Variants in TFEC observed in about 807,000 individuals in gnomAD.
TFEC encodes the protein transcription factor EC.
Under a neutral mutation model 41.6 loss-of-function variants are expected in TFEC, and 31 were observed. That is an observed-to-expected ratio of 0.74 (90% CI 0.56 to 1.01). TFEC has a LOEUF of 1.01. Among genes scored for constraint, TFEC ranks in the 50% least tolerant of loss-of-function variants. TFEC has a pLI of 0.00. For synonymous variants in TFEC, 143 were observed against 140.6 expected, an observed-to-expected ratio of 1.02 and a Z score of -0.12; for missense variants, 402 against 404.1, an observed-to-expected ratio of 0.99 and a Z score of 0.04.
chr7:116,032,013 G>C (rs1795795796), upstream of TFEC, among the ~76,000 whole-genome samples: 1 of 152,060 alleles, frequency 6.6e-6, no homozygotes, highest in Admixed American at 6.6e-5. Flanking sequence ...TTGAATTAGA[G>C]TTTAATACAT....
At chr7:116,090,256 A>G (rs1213966733) in intron 3 of TFEC, among the ~76,000 whole-genome samples, 1 of 152,126 alleles carries the variant, frequency 6.6e-6, no homozygotes, top group East Asian at 1.9e-4. Flanking sequence ...TCTGCAACCA[A>G]TTAGACTGAT....
chr7:115,987,919 G>GA (rs1324148642), intron 1 of TFEC, among the ~76,000 whole-genome samples: 1 of 152,130 alleles, frequency 6.6e-6, no homozygotes, highest in Non-Finnish European at 1.5e-5. Context: ...AGCAGCTACA[G>GA]ATTGTGATTT....
chr7:116,116,928 CGAAAG>C (rs1366325426), intron 1 of TFEC, among the ~76,000 whole-genome samples: 1 of 151,736 alleles, frequency 6.6e-6, no homozygotes, highest in East Asian at 1.9e-4. Flanking sequence ...AGACTTTTCT[CGAAAG>C]GAAAGGATTT....
intron 1 of TFEC, among the ~76,000 whole-genome samples, chr7:116,001,473 C>T (rs562817829): frequency 2.7e-5 from 4 of 149,738 alleles, no homozygotes; most frequent in Admixed American, 6.7e-5. Flanking sequence ...CCAGCCTGGG[C>T]GACAGAGCGA....
chr7:116,022,966 T>A (rs762558975), intron 1 of TFEC, among the ~76,000 whole-genome samples: 2 of 152,164 alleles, frequency 1.3e-5, no homozygotes, highest in Non-Finnish European at 2.9e-5. Flanking sequence ...ATCAAACAGC[T>A]GATTATGGCA....
chr7:115,952,738 T>C (rs1792013267), intron 5 of TFEC, among the ~76,000 whole-genome samples: 1 of 152,024 alleles, frequency 6.6e-6, no homozygotes, highest in African/African-American at 2.4e-5. Context: ...CTACTTCATG[T>C]CATGGTGGTT....
intron 3 of TFEC, among the ~76,000 whole-genome samples, chr7:115,961,831 G>T (rs890178615): frequency 1.4e-4 from 21 of 151,740 alleles, no homozygotes; most frequent in African/African-American, 4.6e-4. Flanking sequence ...GCAAGAAAAA[G>T]TAACAAAAGC....
chr7:116,043,249 C>T (rs559663170), intron 3 of TFEC, among the ~76,000 whole-genome samples: 3 of 152,214 alleles, frequency 2.0e-5, no homozygotes, highest in Admixed American at 2.0e-4. Flanking sequence ...TGGAAGAATA[C>T]TCCACTCTTA....
At chr7:116,083,911 C>A (rs932301383) in intron 3 of TFEC, among the ~76,000 whole-genome samples, 1 of 151,832 alleles carries the variant, frequency 6.6e-6, no homozygotes, top group Admixed American at 6.6e-5. Flanking sequence ...TGATAATGAA[C>A]CTGAACCCAT....
chr7:116,017,501 A>G (rs566425782), intron 1 of TFEC, among the ~76,000 whole-genome samples: 64 of 152,192 alleles, frequency 4.2e-4, no homozygotes, highest in African/African-American at 1.3e-3. Context: ...GATTACAGGC[A>G]TGAGCCACCA....
At chr7:115,942,081 C>T in intron 6 of TFEC, 41 bp from the exon 7 acceptor site, 2 of 1,543,390 alleles carry the variant, frequency 1.3e-6, no homozygotes, top group Non-Finnish European at 1.7e-6. Flanking sequence ...TTGTGCATGT[C>T]AGCAGAATTC....
chr7:115,950,826 G>C, intron 6 of TFEC, 48 bp downstream of exon 6: 1 of 1,414,004 alleles, frequency 7.1e-7, no homozygotes, highest in Non-Finnish European at 9.8e-7. Flanking sequence ...ATTCATTTTG[G>C]GGGTCTTTAA....
chr7:116,118,437 T>C (rs1340294868), intron 1 of TFEC, among the ~76,000 whole-genome samples: 1 of 151,854 alleles, frequency 6.6e-6, no homozygotes, highest in Non-Finnish European at 1.5e-5. Context: ...AATGAGCTCA[T>C]TGTGCCTGCA....
At chr7:115,979,630 C>G (rs1793536709) in intron 2 of TFEC, among the ~76,000 whole-genome samples, 1 of 151,936 alleles carries the variant, frequency 6.6e-6, no homozygotes, top group Non-Finnish European at 1.5e-5. Flanking sequence ...TCCTTTGAAC[C>G]TCTTCTCCTG....
chr7:116,076,096 G>A (rs1436746345), intron 3 of TFEC, among the ~76,000 whole-genome samples: 1 of 152,154 alleles, frequency 6.6e-6, no homozygotes, highest in Non-Finnish European at 1.5e-5. Flanking sequence ...TCACATCACA[G>A]GACTCTTTAC....
intron 2 of TFEC, 71 bp from the exon 3 acceptor site, chr7:115,974,327 A>G: frequency 1.1e-5 from 13 of 1,220,598 alleles, no homozygotes; most frequent in Non-Finnish European, 1.4e-5. Context: ...GAAAACAGAG[A>G]GAAAAATTCT....
intron 3 of TFEC, among the ~76,000 whole-genome samples, chr7:116,042,865 T>C (rs1171134634): frequency 6.6e-6 from 1 of 152,194 alleles, no homozygotes; most frequent in East Asian, 1.9e-4. Flanking sequence ...ATATTTGGAC[T>C]TCTGTTAAAG....
chr7:115,965,731 T>C (rs1792813643), intron 3 of TFEC, among the ~76,000 whole-genome samples: 1 of 151,686 alleles, frequency 6.6e-6, no homozygotes, highest in Admixed American at 6.6e-5. Flanking sequence ...CCAAAATTAT[T>C]GTAGAAACAT....
chr7:115,949,769 C>G (rs1791827718), intron 6 of TFEC, among the ~76,000 whole-genome samples: 1 of 152,020 alleles, frequency 6.6e-6, no homozygotes, highest in South Asian at 2.1e-4. Context: ...CTAGGCATTA[C>G]CATTCAGGAC....
Sources: allele counts gnomAD v4.1 joint callset (sites outside exome capture counted in the v4.1 genomes callset), GRCh38; gene constraint gnomAD v4.1.1; transcripts MANE v1.5; gene names NCBI Gene and HGNC (gene_info 2026-07-23, HGNC 2026-07-21).